Variants in ARHGAP11A observed in about 807,000 individuals in gnomAD.
The protein encoded by ARHGAP11A is Rho GTPase activating protein 11A.
ARHGAP11A carries 36 observed loss-of-function variants against 60.5 expected under a neutral mutation model. The ratio of observed to expected loss-of-function variants is 0.59; its 90% CI spans 0.46 to 0.79. ARHGAP11A has a LOEUF of 0.79. Among genes scored for constraint, ARHGAP11A ranks in the 30% least tolerant of loss-of-function variants. ARHGAP11A has a pLI of 0.00. For synonymous variants in ARHGAP11A, 362 were observed against 415.5 expected, an observed-to-expected ratio of 0.87 and a Z score of 1.57; for missense variants, 1,071 against 1,199.2, an observed-to-expected ratio of 0.89 and a Z score of 1.58.
intron 10 of ARHGAP11A, among the ~76,000 whole-genome samples, chr15:32,635,476 C>T (rs750706380): frequency 3.9e-5 from 6 of 152,186 alleles, no homozygotes; most frequent in Non-Finnish European, 5.9e-5. Context: ...AGGTACCCCA[C>T]TGCCCCAACT....
chr15:32,635,601 G>C (rs561796188), intron 10 of ARHGAP11A, among the ~76,000 whole-genome samples, 176 bp from the exon 11 acceptor site: 1 of 152,194 alleles, frequency 6.6e-6, no homozygotes, highest in African/African-American at 2.4e-5. Flanking sequence ...AAAATCAAAT[G>C]ATTACAGTTT....
intron 8 of ARHGAP11A, among the ~76,000 whole-genome samples, chr15:32,632,148 A>G (rs1314814827): frequency 6.6e-6 from 1 of 152,182 alleles, no homozygotes; most frequent in Non-Finnish European, 1.5e-5. Flanking sequence ...TCTCTGGGAA[A>G]CTTTGTGAAT....
At position 32,633,950 on chromosome 15, in the gene ARHGAP11A, C is replaced by T; in HGVS notation, c.1253C>T (p.Ala418Val). The T allele has an allele frequency of 6.2e-7, 1 of 1,601,950 alleles. No homozygotes were observed. ...TCTTCTAGAGTGGAATCAGGAAAAG[C>T]AGGCTGCTTTTCTCCTAAAATCAGC... is the stretch of plus-strand genomic sequence containing the variant. ...KKVCRVESGK[A>V]GCFSPKISHK... The change falls in exon 10 of 12, where the codon GCA (alanine) becomes GTA (valine). Residue 418 changes from alanine (A) to valine (V), a missense_variant. By Grantham distance (64) the Ala-to-Val change is moderately conservative. Around this residue, in one of 4 missense-constraint regions of ARHGAP11A, gnomAD observed 776 missense variants for 760.2 expected, o/e 1.02. Transcript: ENST00000361627.
chr15:32,617,231 T>G (rs1156673827), intron 1 of ARHGAP11A, among the ~76,000 whole-genome samples: 1 of 152,154 alleles, frequency 6.6e-6, no homozygotes, highest in African/African-American at 2.4e-5. Context: ...AAAAAAGTGC[T>G]TGGAGAAGAA....
intron 1 of ARHGAP11A, among the ~76,000 whole-genome samples, chr15:32,619,303 A>G (rs1184763913): frequency 6.6e-6 from 1 of 152,192 alleles, no homozygotes; most frequent in Non-Finnish European, 1.5e-5. Context: ...ACAGGCTTGA[A>G]TTTACCTTTC....
At position 32,638,841 on chromosome 15, in the gene ARHGAP11A, G is replaced by C. The variant is rs1475391431; in HGVS notation, c.*996G>C. The stretch of plus-strand genomic sequence containing the variant: ...GTTTGTGTCTGTTCTGTCCAATATA[G>C]ATTTGGCAATTATTTAAAGAGGGAT... On this transcript the variant is annotated 3_prime_UTR_variant, in exon 12 of 12. Transcript: ENST00000361627. 6.6e-6 allele frequency: 1 copy of C among 152,486 alleles called. No individual in the cohort carries two copies. Among genetic ancestry groups the C allele is most frequent in the Non-Finnish European group, 1.5e-5 (1 of 67,998 alleles). The allele number at this position is 152,486 out of a possible 1,614,324, so 9.4% of individuals were successfully genotyped here.
intron 2 of ARHGAP11A, among the ~76,000 whole-genome samples, chr15:32,622,761 A>C (rs2053367138): frequency 6.6e-6 from 1 of 152,024 alleles, no homozygotes; most frequent in African/African-American, 2.4e-5. Context: ...AAGGACTGGG[A>C]TATATCCTAC....
chr15:32,620,800 C>T (rs2053276572), intron 2 of ARHGAP11A, among the ~76,000 whole-genome samples: 1 of 151,958 alleles, frequency 6.6e-6, no homozygotes, highest in Non-Finnish European at 1.5e-5. Flanking sequence ...GGCACAGTAG[C>T]TCATGCCTAT....
chr15:32,620,006 G>A (rs1182112148), intron 1 of ARHGAP11A, 102 bp from the exon 2 acceptor site: 30 of 1,557,730 alleles, frequency 1.9e-5, no homozygotes, highest in Non-Finnish European at 2.5e-5. Flanking sequence ...ATTTATTTCT[G>A]ATTTTTTTTT....
Position 32,628,804 on chromosome 15 carries a change from T to G in ARHGAP11A, c.937+2T>G. 6.5e-7 allele frequency: 1 copy of G among 1,543,236 alleles called. No homozygotes were observed. The highest frequency in any genetic ancestry group is 8.7e-7 in the Non-Finnish European group (1 of 1,151,216). ...TTACACCTCAAGAAGAAAGAATTGGTAGGTATTTATTATATGCATTTATTT... is the reference window on the plus strand; with the variant it reads ...TTACACCTCAAGAAGAAAGAATTGGGAGGTATTTATTATATGCATTTATTT... On this transcript the variant is annotated splice_donor_variant, in intron 7 of 11. Coordinates refer to ENST00000361627, the MANE Select transcript of ARHGAP11A (RefSeq NM_014783.6). LOFTEE classifies it high-confidence loss of function.
At chr15:32,633,170 A>C (rs1268422235) in intron 9 of ARHGAP11A, 62 bp downstream of exon 9, 1 of 1,560,942 alleles carries the variant, frequency 6.4e-7, no homozygotes, top group African/African-American at 1.4e-5. Context: ...ATAATTAATA[A>C]AATGTTTTGT....
intron 1 of ARHGAP11A, among the ~76,000 whole-genome samples, chr15:32,617,454 CCTTTT>C (rs1424215337): frequency 8.8e-5 from 13 of 147,042 alleles, no homozygotes; most frequent in African/African-American, 3.0e-4. Flanking sequence ...TTTTTTCACC[CCTTTT>C]CTTTTCTTTT....
intron 9 of ARHGAP11A, among the ~76,000 whole-genome samples, chr15:32,633,615 C>T (rs1435004986): frequency 6.6e-6 from 1 of 152,076 alleles, no homozygotes; most frequent in Non-Finnish European, 1.5e-5. Context: ...TATACTCCAG[C>T]CTGGGCCGCA....
rs765883314 is a variant in ARHGAP11A at position 32,625,557 on chromosome 15, A to G, written c.786A>G (p.Pro262=). The change falls in exon 6 of 12, where the codon CCA becomes CCG. Residue 262 remains proline (P), a synonymous_variant. Transcript: ENST00000361627. ...MLGIDGLCAT[P]SLEGFEEGEY... is the part of the protein sequence containing the mutation. Reference sequence around the variant, plus strand: ...GTATTGATGGTCTCTGTGCTACTCCATCACTGGAAGGCTTTGAAGAAGGTG... The same window carrying G: ...GTATTGATGGTCTCTGTGCTACTCCGTCACTGGAAGGCTTTGAAGAAGGTG... The G allele has an allele frequency of 1.9e-5, 31 of 1,613,776 alleles. No homozygotes were observed. The South Asian group carries it at 3.3e-4, about 17-fold the overall frequency.
At position 32,637,970 on chromosome 15, in the gene ARHGAP11A, A is replaced by G. The variant is rs1163059783; in HGVS notation, c.*125A>G. The G allele has an allele frequency of 4.5e-6, 4 of 894,168 alleles. No individual in the cohort carries two copies. The highest frequency in any genetic ancestry group is 3.2e-5 in the Admixed American group (1 of 30,902). The allele number at this position is 894,168 out of a possible 1,614,324, so 55.4% of individuals were successfully genotyped here. ...AAGCAATAGATTTGCTCTATTGAAA[A>G]TGTTTCATTTTTTTCACTGTACAAG... On this transcript the variant is annotated 3_prime_UTR_variant, in exon 12 of 12. Coordinates refer to ENST00000361627, the MANE Select transcript of ARHGAP11A (RefSeq NM_014783.6).
chr15:32,624,536 T>G, intron 4 of ARHGAP11A, 110 bp downstream of exon 4: 1 of 1,447,614 alleles, frequency 6.9e-7, no homozygotes, highest in Non-Finnish European at 9.3e-7. Flanking sequence ...TCTTTAAAAA[T>G]TCCATATTTC....
At chr15:32,622,095 G>C (rs1332202296) in intron 2 of ARHGAP11A, among the ~76,000 whole-genome samples, 1 of 152,308 alleles carries the variant, frequency 6.6e-6, no homozygotes, top group Non-Finnish European at 1.5e-5. Context: ...CCTATGAAAG[G>C]CTTGATTTTC....
Position 32,636,901 on chromosome 15 carries a change from G to T in ARHGAP11A, c.2128G>T (p.Asp710Tyr). Residue 710 changes from aspartate to tyrosine, a missense_variant, in exon 12 of 12, where the codon GAT becomes TAT. Coordinates refer to ENST00000361627, the MANE Select transcript of ARHGAP11A (RefSeq NM_014783.6). Reference protein sequence around the residue: ...EKDIHSNMPKDYLSKQEFSSD... With the variant: ...EKDIHSNMPKYYLSKQEFSSD... ...AGACATTCATTCAAATATGCCAAAA[G>T]ATTATTTAAGCAAGCAAGAATTCTC... The T allele has an allele frequency of 6.2e-7, 1 of 1,613,288 alleles. No homozygotes were observed. The highest frequency in any genetic ancestry group is 8.5e-7 in the Non-Finnish European group (1 of 1,179,806).
chr15:32,636,970 C>T lies in ARHGAP11A; in HGVS notation c.2197C>T (p.Leu733=), dbSNP rs147044309. The T allele has an allele frequency of 2.5e-6, 4 of 1,609,578 alleles. No homozygotes were observed. The highest frequency in any genetic ancestry group is 3.4e-6 in the Non-Finnish European group (4 of 1,178,852). The change falls in exon 12 of 12, where the codon CTA becomes TTA. Residue 733 remains leucine, a synonymous_variant. Transcript: ENST00000361627. ...GAAACAGCAGTCCCCAAAGGATAAA[C>T]TAAATAATAAATTAAAAGAGAATGA... ...IKKQQSPKDK[L]NNKLKENENM... is the part of the protein sequence containing the mutation.
Sources: allele counts gnomAD v4.1 joint callset (sites outside exome capture counted in the v4.1 genomes callset), GRCh38; gene constraint gnomAD v4.1.1; regional missense constraint gnomAD v4.1.1; transcripts MANE v1.5; gene names NCBI Gene and HGNC (gene_info 2026-07-23, HGNC 2026-07-21).